The following LRP1B variants were observed in gnomAD, a reference collection of about 807,000 sequenced individuals.
The protein encoded by LRP1B is low-density lipoprotein receptor-related protein 1B.
Under a neutral mutation model 556.6 loss-of-function variants are expected in LRP1B, and 217 were observed. That is an observed-to-expected ratio of 0.39 (90% CI 0.35 to 0.44). LRP1B has a LOEUF of 0.44. LRP1B is among the 20% of genes least tolerant of loss of function. LRP1B has a pLI of 1.00. For missense variants in LRP1B, 5,053 were observed against 5,620.8 expected, an observed-to-expected ratio of 0.90 and a Z score of 3.23; for synonymous variants, 2,047 against 1,865.8, an observed-to-expected ratio of 1.10 and a Z score of -2.50.
intron 41 of LRP1B, among the ~76,000 whole-genome samples, chr2:140,612,373 A>G (rs1683101635): frequency 6.6e-6 from 1 of 152,166 alleles, no homozygotes; most frequent in South Asian, 2.1e-4. Flanking sequence ...ATTTCTTACT[A>G]GCATTAATTT....
rs1682981983 is a variant in LRP1B at position 140,371,283 on chromosome 2, A to C, written c.10771T>G (p.Ser3591Ala). ...GEDEKSCEPA[S>A]PTCSSREYIC... ...TATTCACGTGATGAGCAAGTAGGAG[A>C]AGCTGAATACAATTATAAATTTGAA... is the stretch of plus-strand genomic sequence containing the variant. The change falls in exon 70 of 91, where the codon TCT (serine) becomes GCT (alanine). Residue 3591 changes from serine to alanine, a missense_variant and splice_region_variant. By Grantham distance (99) the Ser-to-Ala change is moderately conservative (BLOSUM62 1). Transcript: ENST00000389484. 6.5e-7 allele frequency: 1 copy of C among 1,540,030 alleles called. No individual in the cohort carries two copies. Among genetic ancestry groups the C allele is most frequent in the Non-Finnish European group, 8.8e-7 (1 of 1,134,912 alleles).
At chr2:140,304,392 T>C (rs1050577969) in intron 83 of LRP1B, among the ~76,000 whole-genome samples, 2 of 152,136 alleles carry the variant, frequency 1.3e-5, no homozygotes, top group African/African-American at 4.8e-5. Context: ...TTTTGATTTG[T>C]ATTTCTCTGA....
chr2:140,274,882 C>T lies in LRP1B; in HGVS notation c.12968-284G>A, dbSNP rs115559134. Reference sequence around the variant, plus strand: ...ATTAAAGCTTAAGTTAACAAGTTCCCTTAGCTTTCTTTCTAATGAACAACG... The same window carrying T: ...ATTAAAGCTTAAGTTAACAAGTTCCTTTAGCTTTCTTTCTAATGAACAACG... On this transcript the variant is annotated intron_variant, in intron 84 of 90. Coordinates refer to ENST00000389484, the MANE Select transcript of LRP1B (RefSeq NM_018557.3). Among the ~76,000 whole-genome samples, 404 of 152,060 alleles carry T rather than the reference C, an allele frequency of 2.7e-3. 3 individuals carry two copies. The highest frequency in any genetic ancestry group is 9.1e-3 in the African/African-American group (377 of 41,534).
intron 41 of LRP1B, among the ~76,000 whole-genome samples, chr2:140,637,193 A>T (rs546449447): frequency 6.6e-6 from 1 of 152,304 alleles, no homozygotes; most frequent in African/African-American, 2.4e-5. Context: ...ATCAAATGGC[A>T]CTGAGATCCA....
intron 7 of LRP1B, among the ~76,000 whole-genome samples, chr2:141,081,008 A>G (rs1476788181): frequency 6.6e-6 from 1 of 151,986 alleles, no homozygotes; most frequent in Non-Finnish European, 1.5e-5. Flanking sequence ...AATTTTTGTA[A>G]TTTTTGTAGT....
chr2:141,399,965 C>T (rs769160986), intron 3 of LRP1B, among the ~76,000 whole-genome samples: 2 of 152,050 alleles, frequency 1.3e-5, no homozygotes, highest in Admixed American at 1.3e-4. Flanking sequence ...TCTACATTAT[C>T]TTTTTTGTTG....
At chr2:140,866,249 C>T (rs1457016686) in intron 27 of LRP1B, among the ~76,000 whole-genome samples, 1 of 152,072 alleles carries the variant, frequency 6.6e-6, no homozygotes, top group East Asian at 1.9e-4. Flanking sequence ...ACAGTGTTTG[C>T]TTACAGCTAA....
At chr2:140,324,210 G>GAAGTTCTTAGAATT in intron 80 of LRP1B, 144 bp from the exon 81 acceptor site, 1 of 515,868 alleles carries the variant, frequency 1.9e-6, no homozygotes, top group Non-Finnish European at 3.5e-6. Flanking sequence ...TATTAGCTAT[G>GAAGTTCTTAGAATT]AAGTTCTTAG....
intron 7 of LRP1B, among the ~76,000 whole-genome samples, chr2:141,132,347 C>T (rs1416372819): frequency 6.6e-6 from 1 of 151,846 alleles, no homozygotes; most frequent in Non-Finnish European, 1.5e-5. Context: ...GGATTAGTTC[C>T]TCTGACAGTG....
chr2:141,495,127 C>T (rs968063368), intron 2 of LRP1B, among the ~76,000 whole-genome samples: 2 of 152,008 alleles, frequency 1.3e-5, no homozygotes, highest in Non-Finnish European at 2.9e-5. Flanking sequence ...AAATGAAACT[C>T]ATATCAAGCA....
intron 84 of LRP1B, 105 bp downstream of exon 84, chr2:140,297,703 A>G (rs1683664537): frequency 3.8e-6 from 5 of 1,304,894 alleles, no homozygotes; most frequent in Non-Finnish European, 3.2e-6. Context: ...CTGAACCTGA[A>G]AAATAGAGGA....
rs1686425879 is a variant in LRP1B at position 140,696,248 on chromosome 2, T to C, written c.6799+4002A>G. On this transcript the variant is annotated intron_variant, in intron 41 of 90. Coordinates refer to ENST00000389484, the MANE Select transcript of LRP1B (RefSeq NM_018557.3). ...GGTGTTTTGAGGGTTTTAGTTTTGA[T>C]TTGTTTTGTCTGTTTTCTTTTTTGG... Among the ~76,000 whole-genome samples the C allele has an allele frequency of 2.0e-5, 3 of 152,082 alleles. No individual in the cohort carries two copies. In the South Asian group the frequency reaches 6.2e-4, roughly 32 times the overall value.
At position 141,011,370 on chromosome 2, in the gene LRP1B, T is replaced by C. The variant is rs143593621; in HGVS notation, c.2380+2186A>G. Among the ~76,000 whole-genome samples the C allele has an allele frequency of 4.0e-4, 61 of 152,154 alleles. 1 individual carries two copies. The highest frequency in any genetic ancestry group is 1.4e-3 in the African/African-American group (60 of 41,566). ...AACTGCTCACAACTGAACATCGGAATGCATTTTGCTTTACAATTCAGCTGC... is the reference window on the plus strand; with the variant it reads ...AACTGCTCACAACTGAACATCGGAACGCATTTTGCTTTACAATTCAGCTGC... On this transcript the variant is annotated intron_variant, in intron 14 of 90. Coordinates refer to ENST00000389484, the MANE Select transcript of LRP1B (RefSeq NM_018557.3).
intron 35 of LRP1B, among the ~76,000 whole-genome samples, chr2:140,767,486 G>T (rs549283567): frequency 6.7e-4 from 102 of 151,858 alleles, no homozygotes; most frequent in African/African-American, 2.4e-3. Flanking sequence ...CTCCATCATG[G>T]TACATGATAT....
At chr2:140,446,997 G>T (rs888629196) in intron 63 of LRP1B, among the ~76,000 whole-genome samples, 1 of 151,872 alleles carries the variant, frequency 6.6e-6, no homozygotes, top group Admixed American at 6.6e-5. Context: ...TGAAAAATGA[G>T]CTGAGGACTT....
At position 141,484,358 on chromosome 2, in the gene LRP1B, T is replaced by C. The variant is rs916434757; in HGVS notation, c.206-3825A>G. Among the ~76,000 whole-genome samples, 16 of 150,068 alleles carry C rather than the reference T, an allele frequency of 1.1e-4. 1 individual carries two copies. Among genetic ancestry groups the C allele is most frequent in the Admixed American group, 5.4e-4 (8 of 14,904 alleles). ...GGTACCAGTACCATGCTGTTTTGGT[T>C]ACTGTAGCCTTGTAGTATAGTTTGA... On this transcript the variant is annotated intron_variant, in intron 2 of 90. Coordinates refer to ENST00000389484, the MANE Select transcript of LRP1B (RefSeq NM_018557.3).
intron 3 of LRP1B, among the ~76,000 whole-genome samples, chr2:141,367,503 G>A (rs1166553529): frequency 2.6e-5 from 2 of 75,768 alleles, no homozygotes; most frequent in African/African-American, 1.0e-4. Flanking sequence ...TTTTTTTTGA[G>A]ATGAAGTCTT....
intron 32 of LRP1B, among the ~76,000 whole-genome samples, chr2:140,798,487 T>A (rs981252015): frequency 6.6e-6 from 1 of 152,158 alleles, no homozygotes; most frequent in Non-Finnish European, 1.5e-5. Flanking sequence ...GGTTTTTTTG[T>A]TAACCAAAAT....
chr2:140,592,636 A>G (rs1403331185), intron 43 of LRP1B, among the ~76,000 whole-genome samples: 3 of 152,152 alleles, frequency 2.0e-5, no homozygotes. Context: ...ATAAAAGAAG[A>G]CAGCGTAGAT....
Sources: gnomAD v4.1 joint callset for allele counts (sites outside exome capture counted in the v4.1 genomes callset) on GRCh38, gnomAD v4.1.1 for gene constraint, MANE v1.5 for transcripts, NCBI Gene and HGNC (gene_info 2026-07-23, HGNC 2026-07-21) for gene names.